Variants in PDZD2 observed in about 807,000 individuals in gnomAD.
PDZD2 encodes the protein PDZ domain-containing protein 2.
Under a neutral mutation model 220.7 loss-of-function variants are expected in PDZD2, and 90 were observed. The observed-to-expected ratio is 0.41, with a 90% CI of 0.34 to 0.49. The LOEUF is 0.49. Among genes scored for constraint, PDZD2 ranks in the 20% least tolerant of loss-of-function variants. The pLI is 0.28. For missense variants in PDZD2, 3,174 were observed against 3,608.5 expected, an observed-to-expected ratio of 0.88 and a Z score of 3.08; for synonymous variants, 1,375 against 1,450.5, an observed-to-expected ratio of 0.95 and a Z score of 1.18.
intron 1 of PDZD2, among the ~76,000 whole-genome samples, chr5:31,737,327 C>A (rs569380307): frequency 6.6e-6 from 1 of 151,982 alleles, no homozygotes; most frequent in South Asian, 2.1e-4. Flanking sequence ...CGCCCACCAC[C>A]ACGCCCAGCT....
At chr5:31,654,330 C>T (rs1241374481) in intron 1 of PDZD2, among the ~76,000 whole-genome samples, 2 of 152,070 alleles carry the variant, frequency 1.3e-5, no homozygotes, top group Non-Finnish European at 2.9e-5. Flanking sequence ...CTCCTGGTGC[C>T]GCAGGAGCAT....
chr5:32,059,581 T>C (rs1347943814), intron 13 of PDZD2, among the ~76,000 whole-genome samples: 1 of 152,242 alleles, frequency 6.6e-6, no homozygotes, highest in African/African-American at 2.4e-5. Flanking sequence ...TCCCTGCTTA[T>C]TTTGTTCTAT....
At position 32,083,621 on chromosome 5, in the gene PDZD2, A is replaced by G. The variant is rs563051152; in HGVS notation, c.3683-3510A>G. 6.6e-6 allele frequency: 1 copy of G among 152,282 alleles called. No homozygotes were observed. Among genetic ancestry groups the G allele is most frequent in the South Asian group, 2.1e-4 (1 of 4,818 alleles). The allele number at this position is 152,282 out of a possible 1,614,324, so 9.4% of individuals were successfully genotyped here. On this transcript the variant is annotated intron_variant, in intron 19 of 24. Transcript: ENST00000438447. This position sits in a 1 kb window ranked among gnomAD's most constrained non-coding sequence, Gnocchi z 4.1. ...TTTTAAGTTACAGACTTTGCAATAA[A>G]GTCAAATTGCTAACATGAATTGCCT... is the stretch of plus-strand genomic sequence containing the variant.
intron 2 of PDZD2, among the ~76,000 whole-genome samples, chr5:31,921,891 G>A (rs559247331): frequency 2.6e-5 from 4 of 152,222 alleles, no homozygotes; most frequent in South Asian, 4.1e-4. Flanking sequence ...CCTAGTGCCC[G>A]CCCTCCTCTG....
At chr5:31,900,600 G>T (rs1742004371) in intron 2 of PDZD2, among the ~76,000 whole-genome samples, 1 of 152,172 alleles carries the variant, frequency 6.6e-6, no homozygotes, top group Admixed American at 6.5e-5. Flanking sequence ...TGTCTGCCTT[G>T]ACCTGAGGAA....
At chr5:31,933,038 G>A (rs994534124) in intron 2 of PDZD2, among the ~76,000 whole-genome samples, 1 of 151,960 alleles carries the variant, frequency 6.6e-6, no homozygotes, top group African/African-American at 2.4e-5. Flanking sequence ...ATCCTCCCGA[G>A]TAGCTGGGAT....
At chr5:31,689,335 A>G (rs2059837) in intron 1 of PDZD2, among the ~76,000 whole-genome samples, 19,201 of 54,420 alleles carry the variant, frequency 0.35, 3,490 homozygotes, top group East Asian at 0.51. Flanking sequence ...ATATACATAT[A>G]CATATATATA....
rs1462355593 is a variant in PDZD2, at chr5:32,078,603, G to A, written c.3682+997G>A. Among the ~76,000 whole-genome samples, 3 of 140,650 alleles carry A rather than the reference G, an allele frequency of 2.1e-5. No individual in the cohort carries two copies. The East Asian group carries it at 6.4e-4, about 30-fold the overall frequency. The allele number at this position is 140,650 out of a possible 152,430, so 92.3% of individuals were successfully genotyped here. A position where few individuals can be genotyped will look rare whatever the true frequency, so the allele number is the denominator to read the frequency against. ...GCCAAGATCATGCCATTGCACTCCA[G>A]CCTGGGCTATACAGTGAAACTGTGT... On this transcript the variant is annotated intron_variant, in intron 19 of 24. Transcript: ENST00000438447.
At position 31,852,013 on chromosome 5, in the gene PDZD2, C is replaced by G. The variant is rs1038264912; in HGVS notation, c.476+52289C>G. Reference sequence around the variant, plus strand: ...CTGGGATTACAAGTACCCACCACCACACCTGGCTAATTTTTATGTTTTCAG... The same window carrying G: ...CTGGGATTACAAGTACCCACCACCAGACCTGGCTAATTTTTATGTTTTCAG... On this transcript the variant is annotated intron_variant, in intron 2 of 24. Coordinates refer to ENST00000438447, the MANE Select transcript of PDZD2 (RefSeq NM_178140.4). Among the ~76,000 whole-genome samples, 6 of 152,166 alleles carry G rather than the reference C, an allele frequency of 3.9e-5. No homozygotes were observed. In the South Asian group the frequency reaches 1.0e-3, roughly 26 times the overall value.
rs568028848 is a variant in PDZD2 at position 31,728,107 on chromosome 5, C to A, written c.-360-70782C>A. Reference sequence around the variant, plus strand: ...GAAAATTTCTTCTCTGATTCTAAAGCATGATTTCTCAGCATTATTGACATT... The same window carrying A: ...GAAAATTTCTTCTCTGATTCTAAAGAATGATTTCTCAGCATTATTGACATT... On this transcript the variant is annotated intron_variant, in intron 1 of 24. Coordinates refer to ENST00000438447, the MANE Select transcript of PDZD2 (RefSeq NM_178140.4). Among the ~76,000 whole-genome samples the A allele has an allele frequency of 5.9e-5, 9 of 151,770 alleles. No homozygotes were observed. The East Asian group carries it at 1.7e-3, about 29-fold the overall frequency.
intron 1 of PDZD2, among the ~76,000 whole-genome samples, chr5:31,683,532 C>T (rs1253372284): frequency 3.9e-5 from 6 of 152,122 alleles, no homozygotes; most frequent in Non-Finnish European, 8.8e-5. Context: ...AGACTTTGTA[C>T]ATGGACACTC....
rs1252818299 is a variant in PDZD2 at position 31,639,337 on chromosome 5, G to T, written c.-461G>T. The T allele has an allele frequency of 6.7e-6, 1 of 150,018 alleles. No individual in the cohort carries two copies. The highest frequency in any genetic ancestry group is 1.5e-5 in the Non-Finnish European group (1 of 67,246). 9.3% of individuals were successfully genotyped at this position (150,018 alleles called of 1,614,324 possible). A position where few individuals can be genotyped will look rare whatever the true frequency, so the allele number is the denominator to read the frequency against. On this transcript the variant is annotated 5_prime_UTR_variant, in exon 1 of 25. Coordinates refer to ENST00000438447, the MANE Select transcript of PDZD2 (RefSeq NM_178140.4). The surrounding 1 kb of genome is among the most constrained non-coding windows in gnomAD (Gnocchi z 4.1). ...CGGGGCAGGCGCGGCGGCGGCACCG[G>T]TGGTGGCCGCGGTGGCGGCAGCTGC...
intron 2 of PDZD2, among the ~76,000 whole-genome samples, chr5:31,924,758 G>A (rs1744591349): frequency 6.6e-6 from 1 of 152,194 alleles, no homozygotes; most frequent in Admixed American, 6.5e-5. Flanking sequence ...GGGATTCTTA[G>A]CAAAATTGAT....
chr5:31,951,233 A>T (rs1393958227), intron 2 of PDZD2, among the ~76,000 whole-genome samples: 1 of 152,012 alleles, frequency 6.6e-6, no homozygotes, highest in Non-Finnish European at 1.5e-5. Context: ...ACACCCAGCT[A>T]ATTTTTAAAT....
chr5:31,971,817 T>C (rs1037069225), intron 2 of PDZD2, among the ~76,000 whole-genome samples: 3 of 152,194 alleles, frequency 2.0e-5, no homozygotes, highest in Non-Finnish European at 4.4e-5. Flanking sequence ...TAGAAGTCTT[T>C]GCATAAATGG....
chr5:31,796,917 T>A lies in PDZD2; in HGVS notation c.-360-1972T>A, dbSNP rs534139759. ...AAGATATTTACGGGGTTTTTTTTGT[T>A]TGTTTTTTGTTTTTTTGTTTTTTTT... On this transcript the variant is annotated intron_variant, in intron 1 of 24. Transcript: ENST00000438447. Among the ~76,000 whole-genome samples, 1,133 of 147,990 alleles carry A rather than the reference T, an allele frequency of 7.7e-3. 7 individuals carry two copies. The highest frequency in any genetic ancestry group is 0.012 in the Non-Finnish European group (825 of 67,470).
In PDZD2 at chr5:31,995,693, G is replaced by T; in HGVS notation, c.1096G>T (p.Val366Leu). The change falls in exon 4 of 25, where the codon GTG becomes TTG. Residue 366 changes from valine to leucine, a missense_variant. Physicochemically the swap from Val to Leu is conservative, Grantham distance 32 (BLOSUM62 1). Coordinates refer to ENST00000438447, the MANE Select transcript of PDZD2 (RefSeq NM_178140.4). ...ACCTCACGCTATCGTTGTCACTCAA[G>T]TGAAGGAAGGAGGTGCCGCTCACAG... The part of the protein sequence containing the change: ...RSPHAIVVTQ[V>L]KEGGAAHRDG... 6.2e-7 allele frequency: 1 copy of T among 1,614,008 alleles called. No individual in the cohort carries two copies.
At chr5:31,855,077 G>A in intron 2 of PDZD2, 1 of 985,334 alleles carries the variant, frequency 1.0e-6, no homozygotes, top group Non-Finnish European at 1.2e-6. Context: ...AGACCGGCCT[G>A]GCGAGCGGAT....
At chr5:31,879,809 GA>G (rs1265777402) in intron 2 of PDZD2, among the ~76,000 whole-genome samples, 2 of 147,598 alleles carry the variant, frequency 1.4e-5, no homozygotes, top group Non-Finnish European at 3.0e-5. Flanking sequence ...TTCTGGAATT[GA>G]AAAAAAAAGT....
Sources: gnomAD v4.1 joint callset for allele counts (sites outside exome capture counted in the v4.1 genomes callset) on GRCh38, gnomAD v4.1.1 for gene constraint, Gnocchi (gnomAD v3.1) non-coding constraint, MANE v1.5 for transcripts, NCBI Gene and HGNC (gene_info 2026-07-23, HGNC 2026-07-21) for gene names.